SYNCRIP: variants seen among roughly 807,000 people sequenced by gnomAD.
The protein encoded by SYNCRIP is synaptotagmin binding cytoplasmic RNA interacting protein.
SYNCRIP carries 9 observed loss-of-function variants against 68.9 expected under a neutral mutation model. The observed-to-expected ratio is 0.13, with a 90% CI of 0.08 to 0.23. SYNCRIP has a LOEUF of 0.23. Ranked by LOEUF, SYNCRIP falls within the 10% of genes least tolerant of loss-of-function variation. The pLI is 1.00. For missense variants in SYNCRIP, 414 were observed against 770.6 expected (o/e 0.54, Z 5.48); for synonymous variants, 258 against 254.0 (o/e 1.02, Z -0.15).
chr6:85,623,622 A>G (rs1806706749), intron 7 of SYNCRIP, among the ~76,000 whole-genome samples: 1 of 151,168 alleles, frequency 6.6e-6, no homozygotes, highest in Non-Finnish European at 1.5e-5. Context: ...CTGTAATTTC[A>G]AGAACATCAA....
At chr6:85,612,180 CAT>C (rs1386995995), downstream of SYNCRIP, 1 of 152,104 alleles carries the variant, frequency 6.6e-6, no homozygotes, top group Non-Finnish European at 1.5e-5. Context: ...ATCTTACCCT[CAT>C]ATCATATTTA....
upstream of SYNCRIP, chr6:85,643,299 G>T: frequency 6.6e-6 from 1 of 151,940 alleles, no homozygotes; most frequent in Non-Finnish European, 1.5e-5. Context: ...CTGCCGAGTC[G>T]GCTCCTCTCT....
At chr6:85,631,738 G>C (rs1807820524) in intron 6 of SYNCRIP, among the ~76,000 whole-genome samples, 1 of 152,176 alleles carries the variant, frequency 6.6e-6, no homozygotes, top group Non-Finnish European at 1.5e-5. Flanking sequence ...TGTACAGTTG[G>C]CTTAAATTGT....
At chr6:85,616,681 C>G (rs541277281) in intron 10 of SYNCRIP, among the ~76,000 whole-genome samples, 1 of 152,246 alleles carries the variant, frequency 6.6e-6, no homozygotes, top group East Asian at 1.9e-4. Context: ...GGCCCCTGTT[C>G]CAACTGACTA....
chr6:85,622,449 C>T (rs1395032999), intron 8 of SYNCRIP, 33 bp downstream of exon 8: 14 of 1,604,688 alleles, frequency 8.7e-6, no homozygotes, highest in Non-Finnish European at 1.0e-5. Flanking sequence ...CCATTAATCC[C>T]TCAAAAAATA....
chr6:85,640,377 T>C (rs1280519850), intron 3 of SYNCRIP, 49 bp from the exon 4 acceptor site: 1 of 1,587,716 alleles, frequency 6.3e-7, no homozygotes, highest in Admixed American at 1.7e-5. Context: ...TATCTGAGTC[T>C]AATAAAATTC....
Position 85,615,742 on chromosome 6 carries a change from G to A in SYNCRIP, c.1281-395C>T, listed in dbSNP as rs558955134. Among the ~76,000 whole-genome samples the A allele has an allele frequency of 3.2e-4, 49 of 152,276 alleles. 1 individual carries two copies. Among genetic ancestry groups the A allele is most frequent in the Admixed American group, 1.9e-3 (29 of 15,298 alleles). The stretch of plus-strand genomic sequence containing the variant: ...GGTGAATCGCTTGAACCCAGGTGGC[G>A]GAGGCTGCAGTAAGCCAAGGTCACA... On this transcript the variant is annotated intron_variant, in intron 10 of 10. Transcript: ENST00000369622.
Position 85,614,277 on chromosome 6 carries a change from T to C in SYNCRIP, c.*479A>G. The C allele has an allele frequency of 1.0e-6, 1 of 985,916 alleles. No individual in the cohort carries two copies. Among genetic ancestry groups the C allele is most frequent in the Admixed American group, 6.1e-5 (1 of 16,280 alleles). 61.1% of individuals were successfully genotyped at this position (985,916 alleles called of 1,614,324 possible). ...GCATAAAGAATACAAGTAGCCAAAA[T>C]GGTTTTGAAAACCCAAATTAGGTCA... On this transcript the variant is annotated 3_prime_UTR_variant, in exon 11 of 11. Transcript: ENST00000369622.
At chr6:85,612,787 T>C (rs936790053), downstream of SYNCRIP, 9 of 1,344,364 alleles carry the variant, frequency 6.7e-6, no homozygotes, top group African/African-American at 4.5e-5. Context: ...CAATAGAATA[T>C]GCTCCTATAC....
At chr6:85,617,263 G>C (rs1583248030) in intron 10 of SYNCRIP, among the ~76,000 whole-genome samples, 1 of 150,576 alleles carries the variant, frequency 6.6e-6, no homozygotes, top group South Asian at 2.1e-4. Flanking sequence ...ATCCCTTTTA[G>C]TTTGTACTCC....
chr6:85,622,429 G>A lies in SYNCRIP; in HGVS notation c.1008+53C>T, dbSNP rs565673069. On this transcript the variant is annotated intron_variant, in intron 8 of 10. Coordinates refer to ENST00000369622, the MANE Select transcript of SYNCRIP (RefSeq NM_006372.5). ...TTTATGTTCCCCCCACCCCAACCCC[G>A]GCCCTTCTCCCATTAATCCCTCAAA... 3,223 of 691,774 alleles carry A rather than the reference G, an allele frequency of 4.7e-3. 11 individuals are homozygous for A. Among genetic ancestry groups the A allele is most frequent in the Non-Finnish European group, 5.5e-3 (2,159 of 395,870 alleles). 42.9% of individuals were successfully genotyped at this position (691,774 alleles called of 1,614,324 possible).
intron 6 of SYNCRIP, among the ~76,000 whole-genome samples, chr6:85,624,708 A>G (rs546807125): frequency 2.0e-5 from 3 of 152,356 alleles, no homozygotes; most frequent in South Asian, 2.1e-4. Context: ...ACTACAGTAA[A>G]AAGTAAATTG....
Position 85,637,081 on chromosome 6 carries a change from T to A in SYNCRIP, c.552A>T (p.Lys184Asn). Residue 184 changes from lysine (K) to asparagine (N), a missense_variant, in exon 6 of 11, where the codon AAA (lysine) becomes AAT (asparagine). Around this residue, in one of 6 missense-constraint regions of SYNCRIP, gnomAD observed 110 missense variants for 269.3 expected, o/e 0.41. Coordinates refer to ENST00000369622, the MANE Select transcript of SYNCRIP (RefSeq NM_006372.5). ...GACGAAGATCCCATATAGGTCCAGCTTTCTCAAATAATGGAACAAGTTCAT... is the reference window on the plus strand; with the variant it reads ...GACGAAGATCCCATATAGGTCCAGCATTCTCAAATAATGGAACAAGTTCAT... Reference protein sequence around the residue: ...FEDELVPLFEKAGPIWDLRLM... With the variant: ...FEDELVPLFENAGPIWDLRLM... 1 of 1,614,092 alleles carries A rather than the reference T, an allele frequency of 6.2e-7. No individual in the cohort carries two copies. The highest frequency in any genetic ancestry group is 8.5e-7 in the Non-Finnish European group (1 of 1,180,014).
At chr6:85,634,346 A>C (rs1808190189) in intron 6 of SYNCRIP, among the ~76,000 whole-genome samples, 1 of 152,180 alleles carries the variant, frequency 6.6e-6, no homozygotes, top group Non-Finnish European at 1.5e-5. Flanking sequence ...GTCACCTACC[A>C]TAATTGGTAC....
At chr6:85,626,693 A>G (rs1422572374) in intron 6 of SYNCRIP, among the ~76,000 whole-genome samples, 1 of 152,244 alleles carries the variant, frequency 6.6e-6, no homozygotes, top group African/African-American at 2.4e-5. Context: ...AATATAGAGA[A>G]GACAGCTAAT....
In SYNCRIP at chr6:85,624,100, C is replaced by A; in HGVS notation, c.679G>T (p.Glu227Ter). 6.2e-7 allele frequency: 1 copy of A among 1,613,594 alleles called. No homozygotes were observed. The change falls in exon 7 of 11, where the codon GAA (glutamate) becomes TAA (stop). Residue 227 changes from glutamate (E) to a stop codon, truncating the protein, a stop_gained. Transcript: ENST00000369622. LOFTEE classifies it high-confidence loss of function. ...CCAATATGTTTTCCAGAACGAATTT[C>A]ATGATTATTATACTGAAAGGGGAAA... ...QEAVKLYNNH[E>*]IRSGKHIGVC...
At chr6:85,633,982 T>C (rs1034317272) in intron 6 of SYNCRIP, among the ~76,000 whole-genome samples, 1 of 152,092 alleles carries the variant, frequency 6.6e-6, no homozygotes, top group Non-Finnish European at 1.5e-5. Flanking sequence ...TAGTACAAAA[T>C]AATTATGCCC....
downstream of SYNCRIP, chr6:85,612,942 G>C (rs889356453): frequency 5.9e-5 from 92 of 1,550,128 alleles, no homozygotes; most frequent in East Asian, 2.1e-3. Context: ...GTAACAAAAG[G>C]AATCAGTTAG....
chr6:85,631,339 C>CAAAAAAAAAAAAAA (rs71003000), intron 6 of SYNCRIP, among the ~76,000 whole-genome samples: 956 of 91,352 alleles, frequency 0.01, 24 homozygotes, highest in African/African-American at 0.018. Flanking sequence ...ACTGTGTCTC[C>CAAAAAAAAAAAAAA]AAAAAAAAAA....
Sources: allele counts gnomAD v4.1 joint callset (sites outside exome capture counted in the v4.1 genomes callset), GRCh38; gene constraint gnomAD v4.1.1; regional missense constraint gnomAD v4.1.1; transcripts MANE v1.5; gene names NCBI Gene and HGNC (gene_info 2026-07-23, HGNC 2026-07-21).